CPNE4: variants seen among roughly 807,000 people sequenced by gnomAD.
CPNE4 encodes copine-4.
Under a neutral mutation model 67.9 loss-of-function variants are expected in CPNE4, and 25 were observed. The ratio of observed to expected loss-of-function variants is 0.37; its 90% confidence interval spans 0.27 to 0.51. The LOEUF (loss-of-function observed/expected upper bound fraction) is 0.51, where lower values mean the gene tolerates loss of function less well. Ranked by LOEUF, CPNE4 falls within the 20% of genes least tolerant of loss-of-function variation. The pLI is 0.93. For synonymous variants in CPNE4, 242 were observed against 244.9 expected (o/e 0.99, Z 0.11); for missense variants, 464 against 690.8 (o/e 0.67, Z 3.68).
At chr3:131,670,103 A>G (rs1219151764) in intron 6 of CPNE4, among the ~76,000 whole-genome samples, 1 of 152,226 alleles carries the variant, frequency 6.6e-6, no homozygotes, top group Non-Finnish European at 1.5e-5. Context: ...GAGAATTCTC[A>G]GTTCTGTAGG....
intron 2 of CPNE4, among the ~76,000 whole-genome samples, chr3:131,861,433 T>C (rs1309020393): frequency 6.6e-6 from 1 of 150,916 alleles, no homozygotes; most frequent in Non-Finnish European, 1.5e-5. Context: ...TGTGTGTGTG[T>C]GTGTGTGTGT....
In CPNE4 at chr3:131,696,560, T is replaced by G. The variant is rs761771351; in HGVS notation, c.489A>C (p.Ala163=). ...NDDYVELAFN[A]RKLDDKDFFS... ...GCTTTACCTTGTCATCCAATTTCCG[T>G]GCATTGAATGCAAGCTCAACATAGT... The change falls in exon 5 of 16, where the codon GCA becomes GCC. Residue 163 remains alanine, a synonymous_variant. Coordinates refer to ENST00000429747, the MANE Select transcript of CPNE4 (RefSeq NM_130808.3). 8.7e-6 allele frequency: 14 copies of G among 1,614,020 alleles called. No homozygotes were observed. The South Asian group carries it at 1.5e-4, about 18-fold the overall frequency.
chr3:131,669,758 T>A lies in CPNE4; in HGVS notation c.598A>T (p.Met200Leu), dbSNP rs776349594. 1 of 1,612,894 alleles carries A rather than the reference T, an allele frequency of 6.2e-7. No homozygotes were observed. Among genetic ancestry groups the A allele is most frequent in the Non-Finnish European group, 8.5e-7 (1 of 1,179,100 alleles). ...TTCCAGGCTGGGCTTAAGTTATTCA[T>A]CACAACCTGGGAAAAGAAAGAGAGG... ...QQLVHRTEVV[M>L]NNLSPAWKSF... Residue 200 changes from methionine (M) to leucine (L), a missense_variant, in exon 7 of 16, where the codon ATG (methionine) becomes TTG (leucine). Met to Leu is a conservative substitution (Grantham distance 15). Coordinates refer to ENST00000429747, the MANE Select transcript of CPNE4 (RefSeq NM_130808.3).
chr3:132,015,413 C>G (rs2073867466), intron 1 of CPNE4, among the ~76,000 whole-genome samples: 1 of 152,070 alleles, frequency 6.6e-6, no homozygotes. Context: ...CAAGTTTCAC[C>G]TGATAAAAGA....
chr3:131,644,681 A>G (rs1263132538), intron 7 of CPNE4, among the ~76,000 whole-genome samples: 2 of 152,312 alleles, frequency 1.3e-5, no homozygotes, highest in African/African-American at 4.8e-5. Context: ...CTCTTACCCT[A>G]AGCAACTGAT....
At chr3:131,585,984 G>A (rs1938154990) in intron 8 of CPNE4, among the ~76,000 whole-genome samples, 1 of 152,138 alleles carries the variant, frequency 6.6e-6, no homozygotes, top group Non-Finnish European at 1.5e-5. Flanking sequence ...TGAGTTTCCA[G>A]ACCAAAGGTA....
At chr3:132,020,968 CT>C (rs1331161932) in intron 1 of CPNE4, among the ~76,000 whole-genome samples, 1 of 152,178 alleles carries the variant, frequency 6.6e-6, no homozygotes. Flanking sequence ...CTTAAATCCC[CT>C]TTTTTCTCTC....
intron 7 of CPNE4, among the ~76,000 whole-genome samples, chr3:131,650,126 G>C (rs1587680): frequency 3.9e-5 from 6 of 151,944 alleles, no homozygotes; most frequent in African/African-American, 7.3e-5. Flanking sequence ...CTTTTAAAGG[G>C]CATATCTGAT....
chr3:132,031,118 C>T (rs180749526), intron 1 of CPNE4, among the ~76,000 whole-genome samples: 1 of 152,220 alleles, frequency 6.6e-6, no homozygotes, highest in East Asian at 1.9e-4. Context: ...TATTCTTTGC[C>T]ATCTACATTC....
intron 1 of CPNE4, among the ~76,000 whole-genome samples, chr3:131,942,657 C>G (rs2071435596): frequency 6.6e-6 from 1 of 152,078 alleles, no homozygotes; most frequent in African/African-American, 2.4e-5. Flanking sequence ...ATCTCCACCC[C>G]TAGAAATTTC....
At chr3:131,985,057 G>A (rs1378554621) in intron 1 of CPNE4, among the ~76,000 whole-genome samples, 1 of 152,164 alleles carries the variant, frequency 6.6e-6, no homozygotes, top group Non-Finnish European at 1.5e-5. Flanking sequence ...TCTGGATACT[G>A]AGAGTCTGCG....
Position 131,639,878 on chromosome 3 carries a change from C to T in CPNE4, c.681+29797G>A, listed in dbSNP as rs188253386. Among the ~76,000 whole-genome samples the T allele has an allele frequency of 2.6e-5, 4 of 152,198 alleles. No individual in the cohort carries two copies. In the East Asian group the frequency reaches 7.7e-4, roughly 29 times the overall value. On this transcript the variant is annotated intron_variant, in intron 7 of 15. Coordinates refer to ENST00000429747, the MANE Select transcript of CPNE4 (RefSeq NM_130808.3). ...CATACATAAGTCAATAAATGTGATACACCACATGAATAGAATTAAAAACAA... is the reference window on the plus strand; with the variant it reads ...CATACATAAGTCAATAAATGTGATATACCACATGAATAGAATTAAAAACAA...
At chr3:131,687,011 AT>A (rs2080908408) in intron 5 of CPNE4, among the ~76,000 whole-genome samples, 1 of 152,034 alleles carries the variant, frequency 6.6e-6, no homozygotes, top group South Asian at 2.1e-4. Context: ...TATCCACACT[AT>A]TTTACGAATC....
chr3:131,639,043 T>C (rs1255042719), intron 7 of CPNE4, among the ~76,000 whole-genome samples: 1 of 152,068 alleles, frequency 6.6e-6, no homozygotes, highest in Admixed American at 6.6e-5. Flanking sequence ...TAGCATTAAA[T>C]GCCACATCAA....
chr3:131,721,343 CAAAAAAAA>C (rs58912595), intron 3 of CPNE4, among the ~76,000 whole-genome samples: 1 of 63,506 alleles, frequency 1.6e-5, no homozygotes, highest in African/African-American at 6.3e-5. Context: ...AGCTTTGGAC[CAAAAAAAA>C]AAAAAAAAAA....
At chr3:132,023,559 C>T (rs367559133) in intron 1 of CPNE4, among the ~76,000 whole-genome samples, 2 of 135,218 alleles carry the variant, frequency 1.5e-5, no homozygotes, top group African/African-American at 5.7e-5. Flanking sequence ...GGGATCTCGG[C>T]TCACTGCAAG....
chr3:132,001,654 A>G (rs959410096), intron 1 of CPNE4, among the ~76,000 whole-genome samples: 2 of 152,068 alleles, frequency 1.3e-5, no homozygotes, highest in African/African-American at 4.8e-5. Flanking sequence ...AATTCCATCC[A>G]TACTAAGTAT....
chr3:131,856,907 C>G (rs149865210), intron 2 of CPNE4, among the ~76,000 whole-genome samples: 190 of 152,142 alleles, frequency 1.2e-3, no homozygotes, highest in Admixed American at 3.5e-3. Flanking sequence ...TGACAACCAT[C>G]AGGTTGTTGA....
intron 2 of CPNE4, among the ~76,000 whole-genome samples, chr3:131,891,654 TGTAA>T (rs1377687125): frequency 1.3e-5 from 2 of 152,260 alleles, no homozygotes; most frequent in South Asian, 2.1e-4. Flanking sequence ...AGCTCCCACC[TGTAA>T]GTGAGAACAG....
Sources: allele counts gnomAD v4.1 joint callset (sites outside exome capture counted in the v4.1 genomes callset), GRCh38; gene constraint gnomAD v4.1.1; transcripts MANE v1.5; gene names NCBI Gene and HGNC (gene_info 2026-07-23, HGNC 2026-07-21).